The following SLC71A1 variants were observed in gnomAD, a reference collection of about 807,000 sequenced individuals.
The protein encoded by SLC71A1 is hippocampus abundant gene transcript 1.
the SLC71A1 span, chr1:100,059,833 G>A: frequency 1.3e-6 from 2 of 1,501,806 alleles, no homozygotes; most frequent in East Asian, 2.4e-5. Context: ...TTTGGTTCAT[G>A]CTCATAGATG....
chr1:100,070,290 G>T, the SLC71A1 span, among the ~76,000 whole-genome samples: 14 of 152,310 alleles, frequency 9.2e-5, no homozygotes, highest in African/African-American at 3.4e-4. Flanking sequence ...TGGAAGAAGA[G>T]AATTTTAAAC....
the SLC71A1 span, among the ~76,000 whole-genome samples, chr1:100,072,560 T>C: frequency 6.6e-6 from 1 of 151,116 alleles, no homozygotes; most frequent in South Asian, 2.1e-4. Flanking sequence ...CTAAAGGTCA[T>C]TGGTTTTTTT....
the SLC71A1 span, among the ~76,000 whole-genome samples, chr1:100,053,752 A>T: frequency 1.3e-5 from 2 of 152,180 alleles, no homozygotes; most frequent in Non-Finnish European, 2.9e-5. Flanking sequence ...ACAGTCAAAA[A>T]ACAAAAGCTG....
the SLC71A1 span, among the ~76,000 whole-genome samples, chr1:100,044,774 T>A: frequency 6.6e-6 from 1 of 152,182 alleles, no homozygotes; most frequent in Admixed American, 6.5e-5. Flanking sequence ...CGCCTTGGCC[T>A]CCCAAGATGC....
chr1:100,047,509 G>A, the SLC71A1 span, among the ~76,000 whole-genome samples: 29 of 152,256 alleles, frequency 1.9e-4, no homozygotes, highest in Admixed American at 1.6e-3. Context: ...CGCAACTTCC[G>A]CCTCCCGCGT....
the SLC71A1 span, among the ~76,000 whole-genome samples, chr1:100,047,153 G>C: frequency 6.6e-6 from 1 of 152,170 alleles, no homozygotes; most frequent in Non-Finnish European, 1.5e-5. Flanking sequence ...TTTGAGGAAA[G>C]GCTTTCAGGT....
At chr1:100,080,455 C>G in the SLC71A1 span, 2 of 1,552,866 alleles carry the variant, frequency 1.3e-6, no homozygotes, top group East Asian at 2.3e-5. Context: ...GGAAAAAAAA[C>G]CAGGTAGTTT....
chr1:100,063,669 G>A, the SLC71A1 span, among the ~76,000 whole-genome samples: 2 of 152,136 alleles, frequency 1.3e-5, no homozygotes, highest in East Asian at 1.9e-4. Context: ...GGTGGTGTGT[G>A]CCTGTAGTCC....
chr1:100,048,621 T>G, the SLC71A1 span, among the ~76,000 whole-genome samples: 1 of 152,214 alleles, frequency 6.6e-6, no homozygotes, highest in Non-Finnish European at 1.5e-5. Context: ...TACTGTTCCT[T>G]TTATCTTCCT....
the SLC71A1 span, among the ~76,000 whole-genome samples, chr1:100,073,945 TTAA>T: frequency 6.6e-6 from 1 of 152,234 alleles, no homozygotes; most frequent in Non-Finnish European, 1.5e-5. Flanking sequence ...TCCATTATTA[TTAA>T]TATTATTGAG....
At chr1:100,045,370 G>A in the SLC71A1 span, among the ~76,000 whole-genome samples, 1 of 152,086 alleles carries the variant, frequency 6.6e-6, no homozygotes, top group African/African-American at 2.4e-5. Context: ...TTACTGAATC[G>A]TTTATCAGAT....
chr1:100,046,373 C>A, the SLC71A1 span, among the ~76,000 whole-genome samples: 1 of 151,730 alleles, frequency 6.6e-6, no homozygotes, highest in African/African-American at 2.4e-5. Context: ...ATTACAGGTC[C>A]CACCACCACG....
At chr1:100,069,572 A>G in the SLC71A1 span, 1 of 1,260,590 alleles carries the variant, frequency 7.9e-7, no homozygotes, top group East Asian at 2.3e-5. Context: ...TCTGGTATAC[A>G]TTTGTATTCA....
At chr1:100,065,460 T>G in the SLC71A1 span, among the ~76,000 whole-genome samples, 1 of 140,298 alleles carries the variant, frequency 7.1e-6, no homozygotes, top group East Asian at 2.0e-4. Context: ...TCCCTTCCCC[T>G]TTCCTTTCCT....
the SLC71A1 span, among the ~76,000 whole-genome samples, chr1:100,051,084 TCAAAAAAAAAAAA>T: frequency 0.014 from 1,554 of 112,002 alleles, 13 homozygotes; most frequent in Middle Eastern, 0.088. Context: ...AAACCTTGTC[TCAAAAAAAAAAAA>T]CAAAAAAAAA....
chr1:100,057,123 T>C, the SLC71A1 span, among the ~76,000 whole-genome samples: 1 of 152,218 alleles, frequency 6.6e-6, no homozygotes, highest in Non-Finnish European at 1.5e-5. Context: ...GTGGGTTGTC[T>C]CTTCACTTTG....
chr1:100,077,975 C>G, the SLC71A1 span, among the ~76,000 whole-genome samples: 1 of 152,144 alleles, frequency 6.6e-6, no homozygotes, highest in Non-Finnish European at 1.5e-5. Flanking sequence ...TTGAAATTAC[C>G]TAAAACATTT....
the SLC71A1 span, among the ~76,000 whole-genome samples, chr1:100,052,147 G>A: frequency 2.6e-5 from 4 of 152,108 alleles, no homozygotes; most frequent in African/African-American, 9.7e-5. Context: ...GCTAAGTAGG[G>A]TGATCAAAAT....
the SLC71A1 span, among the ~76,000 whole-genome samples, chr1:100,057,565 G>T: frequency 6.6e-6 from 1 of 151,956 alleles, no homozygotes; most frequent in African/African-American, 2.4e-5. Flanking sequence ...ATGTTGGCCA[G>T]GCTGGTCTTG....
Sources: gnomAD v4.1 joint callset for allele counts (sites outside exome capture counted in the v4.1 genomes callset) on GRCh38, gnomAD v4.1.1 for gene constraint, MANE v1.5 for transcripts, NCBI Gene and HGNC (gene_info 2026-07-23, HGNC 2026-07-21) for gene names.